Variants in HSPA12A observed in about 807,000 individuals in gnomAD.
The protein encoded by HSPA12A is heat shock protein family A (Hsp70) member 12A, also known as heat shock 70 kDa protein 12A.
HSPA12A carries 28 observed loss-of-function variants against 69.2 expected under a neutral mutation model. The observed-to-expected ratio is 0.40, with a 90% CI of 0.30 to 0.55. The LOEUF is 0.55. Among genes scored for constraint, HSPA12A ranks in the 20% least tolerant of loss-of-function variants. HSPA12A has a pLI of 0.38. For synonymous variants in HSPA12A, 345 were observed against 370.5 expected, an observed-to-expected ratio of 0.93 and a Z score of 0.79; for missense variants, 686 against 900.7, an observed-to-expected ratio of 0.76 and a Z score of 3.05.
intron 2 of HSPA12A, among the ~76,000 whole-genome samples, chr10:116,764,781 A>T (rs1844042649): frequency 6.6e-6 from 1 of 152,204 alleles, no homozygotes; most frequent in South Asian, 2.1e-4. Context: ...AAACAAATAA[A>T]CCTTACTATC....
chr10:116,844,078 AG>A (rs1355121559), intron 1 of HSPA12A, among the ~76,000 whole-genome samples: 1 of 152,228 alleles, frequency 6.6e-6, no homozygotes, highest in Non-Finnish European at 1.5e-5. Context: ...AGCTAGCATT[AG>A]TGGAACCTGA....
chr10:116,798,136 G>A (rs1253844502), intron 2 of HSPA12A, among the ~76,000 whole-genome samples: 1 of 130,126 alleles, frequency 7.7e-6, no homozygotes, highest in African/African-American at 2.8e-5. Context: ...ATCAGGCCCC[G>A]AACTGGACTT....
At chr10:116,717,679 C>G (rs1319422133) in intron 1 of HSPA12A, among the ~76,000 whole-genome samples, 2 of 152,048 alleles carry the variant, frequency 1.3e-5, no homozygotes. Flanking sequence ...TTGTTACCAT[C>G]ATCATTATAA....
At chr10:116,819,502 A>G (rs1845370335) in intron 2 of HSPA12A, among the ~76,000 whole-genome samples, 1 of 152,082 alleles carries the variant, frequency 6.6e-6, no homozygotes, top group Non-Finnish European at 1.5e-5. Flanking sequence ...TATAAAAGAG[A>G]GCTGACGGAG....
intron 2 of HSPA12A, chr10:116,750,309 G>A: frequency 2.6e-6 from 2 of 774,042 alleles, no homozygotes; most frequent in East Asian, 4.9e-5. Context: ...AGCACTTATG[G>A]TCAGCCTGGT....
At chr10:116,718,812 G>C (rs1850685619) in intron 1 of HSPA12A, among the ~76,000 whole-genome samples, 1 of 151,932 alleles carries the variant, frequency 6.6e-6, no homozygotes, top group Admixed American at 6.6e-5. Flanking sequence ...TGCTGGGTAA[G>C]GTACTAAGTT....
intron 1 of HSPA12A, among the ~76,000 whole-genome samples, chr10:116,844,084 A>C (rs1457651461): frequency 6.6e-6 from 1 of 152,204 alleles, no homozygotes; most frequent in Non-Finnish European, 1.5e-5. Flanking sequence ...CATTAGTGGA[A>C]CCTGAGAGAG....
chr10:116,748,958 TCTC>T (rs1554888050), intron 2 of HSPA12A, among the ~76,000 whole-genome samples: 1 of 151,910 alleles, frequency 6.6e-6, no homozygotes, highest in African/African-American at 2.4e-5. Flanking sequence ...TGGGCCTCAG[TCTC>T]CTCATCTGCA....
chr10:116,684,959 C>T (rs978438665), intron 6 of HSPA12A, among the ~76,000 whole-genome samples: 10 of 152,216 alleles, frequency 6.6e-5, no homozygotes, highest in Admixed American at 1.3e-4. Flanking sequence ...AGGTCCCTGG[C>T]ACCTCTCATG....
intron 8 of HSPA12A, 93 bp from the exon 9 acceptor site, chr10:116,681,349 G>T: frequency 1.0e-6 from 1 of 973,856 alleles, no homozygotes; most frequent in Non-Finnish European, 1.6e-6. Context: ...CCAGCTAAGT[G>T]CCCTCAAAAC....
rs1849212609 is a variant in HSPA12A, at chr10:116,675,532, G to A, written c.1391-114C>T. 1.8e-6 allele frequency: 2 copies of A among 1,105,102 alleles called. No individual in the cohort carries two copies. Among genetic ancestry groups the A allele is most frequent in the African/African-American group, 1.6e-5 (1 of 62,822 alleles). 68.5% of individuals were successfully genotyped at this position (1,105,102 alleles called of 1,614,324 possible). A position where few individuals can be genotyped will look rare whatever the true frequency, so the allele number is the denominator to read the frequency against. On this transcript the variant is annotated intron_variant, in intron 11 of 11. Transcript: ENST00000369209. This position sits in a 1 kb window ranked among gnomAD's most constrained non-coding sequence, Gnocchi z 5.2. ...TAAAGCCACTTGGGCCACTGGGAGGGCAGGCTTACTCTGAGCTCCTTGAAC... is the reference window on the plus strand; with the variant it reads ...TAAAGCCACTTGGGCCACTGGGAGGACAGGCTTACTCTGAGCTCCTTGAAC...
chr10:116,777,517 G>A lies in HSPA12A; in HGVS notation c.91+57418C>T, dbSNP rs1188456748. ...AAGAGCCTGCCACTCAGGCCTCCTC[G>A]TGCCCAGACCAGACAGGGACATGTG... On this transcript the variant is annotated intron_variant, in intron 2 of 12. Coordinates refer to the HSPA12A transcript ENST00000635765. Among the ~76,000 whole-genome samples the A allele has an allele frequency of 5.3e-5, 8 of 152,084 alleles. No individual in the cohort carries two copies. The East Asian group carries it at 5.8e-4, about 11-fold the overall frequency.
chr10:116,786,080 G>A (rs1844569843), intron 2 of HSPA12A, among the ~76,000 whole-genome samples: 1 of 152,200 alleles, frequency 6.6e-6, no homozygotes, highest in South Asian at 2.1e-4. Context: ...CACCTATGAG[G>A]TTAGCGCCAG....
chr10:116,731,292 C>T (rs1354222921), intron 1 of HSPA12A, among the ~76,000 whole-genome samples: 1 of 152,200 alleles, frequency 6.6e-6, no homozygotes, highest in African/African-American at 2.4e-5. Flanking sequence ...CAGTGAGGAT[C>T]CAGGGATGGT....
intron 1 of HSPA12A, among the ~76,000 whole-genome samples, chr10:116,741,723 C>T (rs758366): frequency 0.59 from 90,158 of 151,924 alleles, 27,081 homozygotes; most frequent in South Asian, 0.72. Context: ...AAGAAAGCGG[C>T]CCTAGCACAT....
At chr10:116,768,458 A>C (rs1844128862) in intron 2 of HSPA12A, among the ~76,000 whole-genome samples, 1 of 152,046 alleles carries the variant, frequency 6.6e-6, no homozygotes, top group Non-Finnish European at 1.5e-5. Context: ...AATATCCAAA[A>C]CCCACTGACT....
At chr10:116,750,580 A>T (rs1589684564) in intron 2 of HSPA12A, 2 of 265,016 alleles carry the variant, frequency 7.5e-6, no homozygotes, top group Non-Finnish European at 1.4e-5. Flanking sequence ...CTCAATACAT[A>T]AAAAAACAGC....
chr10:116,700,836 C>A, intron 4 of HSPA12A, 107 bp downstream of exon 4: 1 of 1,030,244 alleles, frequency 9.7e-7, no homozygotes, highest in Non-Finnish European at 1.4e-6. Context: ...TTGGAAGAGA[C>A]CAGAGGGCCC....
Position 116,683,843 on chromosome 10 carries a change from T to G in HSPA12A, c.783A>C (p.Ala261=). ...CACTGCCGCTGTACCCATTGACGGC[T>G]GCCTTGCTGCTCAGCTCAATCATCT... ...LHQMIELSSK[A]AVNGYSGSDT... Residue 261 remains alanine (A), a synonymous_variant, in exon 7 of 12, where the codon GCA becomes GCC. Transcript: ENST00000369209. 2 of 1,595,752 alleles carry G rather than the reference T, an allele frequency of 1.3e-6. No homozygotes were observed. Among genetic ancestry groups the G allele is most frequent in the Non-Finnish European group, 1.7e-6 (2 of 1,165,520 alleles).
Sources: allele counts gnomAD v4.1 joint callset (sites outside exome capture counted in the v4.1 genomes callset), GRCh38; gene constraint gnomAD v4.1.1; non-coding constraint Gnocchi (gnomAD v3.1); transcripts MANE v1.5; gene names NCBI Gene and HGNC (gene_info 2026-07-23, HGNC 2026-07-21).